NCAM1: variants seen among roughly 807,000 people sequenced by gnomAD.
The protein encoded by NCAM1 is antigen recognized by monoclonal antibody 5.1H11.
A neutral mutation model predicts 109.8 loss-of-function variants in NCAM1; 14 were observed. That is an observed-to-expected ratio of 0.13 (90% confidence interval 0.08 to 0.20). The LOEUF is 0.20. NCAM1 is among the 10% of genes least tolerant of loss of function. NCAM1 has a pLI of 1.00. For synonymous variants in NCAM1, 418 were observed against 442.9 expected (o/e 0.94, Z 0.70); for missense variants, 774 against 1,109.9 (o/e 0.70, Z 4.30).
intron 1 of NCAM1, among the ~76,000 whole-genome samples, chr11:113,051,185 C>G (rs1555081748): frequency 3.9e-5 from 6 of 152,176 alleles, no homozygotes. Flanking sequence ...CCCAGAAAAG[C>G]TGAAGAACTG....
intron 1 of NCAM1, among the ~76,000 whole-genome samples, chr11:112,990,302 A>G (rs1951422412): frequency 6.6e-6 from 1 of 152,058 alleles, no homozygotes; most frequent in Admixed American, 6.5e-5. Context: ...GCCCTGGTCT[A>G]TGGTTGAAGA....
chr11:112,977,600 G>A (rs1189597157), intron 1 of NCAM1, among the ~76,000 whole-genome samples: 4 of 151,906 alleles, frequency 2.6e-5, no homozygotes, highest in East Asian at 1.9e-4. Flanking sequence ...TAATACATTG[G>A]AATCAATAGT....
chr11:113,055,305 A>G lies in NCAM1; in HGVS notation c.52+93641A>G, dbSNP rs374938310. Among the ~76,000 whole-genome samples the G allele has an allele frequency of 7.9e-5, 12 of 152,320 alleles. No homozygotes were observed. In the East Asian group the frequency reaches 1.9e-3, roughly 25 times the overall value. ...CTATAAAATGGATGGAAAATAAATGATTTAAGAAGATTCTAGCTGATCTAC... is the reference window on the plus strand; with the variant it reads ...CTATAAAATGGATGGAAAATAAATGGTTTAAGAAGATTCTAGCTGATCTAC... On this transcript the variant is annotated intron_variant, in intron 1 of 19. Transcript: ENST00000316851.
intron 1 of NCAM1, among the ~76,000 whole-genome samples, chr11:113,131,303 T>A (rs186405387): frequency 6.6e-6 from 1 of 152,306 alleles, no homozygotes; most frequent in East Asian, 1.9e-4. Context: ...CTCTTGATGC[T>A]TTCCACCCTC....
At chr11:112,980,242 A>T (rs1281339605) in intron 1 of NCAM1, among the ~76,000 whole-genome samples, 19 of 151,830 alleles carry the variant, frequency 1.3e-4, no homozygotes, top group African/African-American at 4.6e-4. Flanking sequence ...AACACTGCTG[A>T]TGGGAATGGA....
intron 1 of NCAM1, among the ~76,000 whole-genome samples, chr11:113,143,495 T>C (rs1198071118): frequency 6.6e-6 from 1 of 152,226 alleles, no homozygotes; most frequent in Non-Finnish European, 1.5e-5. Flanking sequence ...GTCCATCAAC[T>C]GTAAATGTAC....
intron 1 of NCAM1, among the ~76,000 whole-genome samples, chr11:113,171,367 C>G (rs1942984191): frequency 6.6e-6 from 1 of 152,148 alleles, no homozygotes; most frequent in Non-Finnish European, 1.5e-5. Flanking sequence ...CATGGTGGCT[C>G]ACACCTGTAA....
intron 1 of NCAM1, among the ~76,000 whole-genome samples, chr11:113,081,212 C>A (rs537697623): frequency 6.6e-6 from 1 of 152,152 alleles, no homozygotes; most frequent in Non-Finnish European, 1.5e-5. Flanking sequence ...CTGCGCTTAC[C>A]TTTGTGCTAC....
chr11:113,236,853 A>G (rs963378342), intron 14 of NCAM1, among the ~76,000 whole-genome samples: 11 of 152,164 alleles, frequency 7.2e-5, no homozygotes, highest in Non-Finnish European at 1.3e-4. Flanking sequence ...GAATAGGAGG[A>G]CTGGCCAGGG....
intron 1 of NCAM1, among the ~76,000 whole-genome samples, chr11:113,136,452 C>T (rs79138724): frequency 0.012 from 1,883 of 152,188 alleles, 34 homozygotes; most frequent in African/African-American, 0.043. Context: ...AGGAGCAAGG[C>T]CCCCCAGTGA....
chr11:113,091,263 A>G (rs2135765226), intron 1 of NCAM1, among the ~76,000 whole-genome samples: 1 of 152,014 alleles, frequency 6.6e-6, no homozygotes, highest in East Asian at 1.9e-4. Context: ...AAATATTTTT[A>G]TCATACCCTG....
At chr11:113,211,498 C>A (rs1305891370) in intron 7 of NCAM1, among the ~76,000 whole-genome samples, 5 of 152,132 alleles carry the variant, frequency 3.3e-5, no homozygotes, top group African/African-American at 1.2e-4. Context: ...TAAGTAGATG[C>A]ATCCTATCAT....
At chr11:113,217,572 G>A (rs2137052700) in intron 8 of NCAM1, among the ~76,000 whole-genome samples, 1 of 152,038 alleles carries the variant, frequency 6.6e-6, no homozygotes, top group East Asian at 1.9e-4. Context: ...TGATCTGGAT[G>A]CCATCATGCA....
chr11:113,124,936 G>A (rs1301053665), intron 1 of NCAM1, among the ~76,000 whole-genome samples: 2 of 152,166 alleles, frequency 1.3e-5, no homozygotes, highest in East Asian at 3.8e-4. Context: ...GTCATTAAAG[G>A]CCTGAATGTA....
intron 1 of NCAM1, among the ~76,000 whole-genome samples, chr11:113,151,324 C>G (rs1942216515): frequency 6.6e-6 from 1 of 152,136 alleles, no homozygotes; most frequent in African/African-American, 2.4e-5. Flanking sequence ...TTTTCAAAAG[C>G]CACAACCCAG....
chr11:113,101,368 G>A (rs1229561732), intron 1 of NCAM1, among the ~76,000 whole-genome samples: 8 of 152,272 alleles, frequency 5.3e-5, no homozygotes, highest in South Asian at 2.1e-4. Context: ...TGTTAGCACC[G>A]CTGAGCGTGT....
At chr11:113,193,108 T>A (rs1943735401) in intron 1 of NCAM1, among the ~76,000 whole-genome samples, 1 of 152,212 alleles carries the variant, frequency 6.6e-6, no homozygotes, top group Admixed American at 6.5e-5. Flanking sequence ...TGGAGCTCTA[T>A]GGAGATACTT....
chr11:113,092,216 A>G (rs892467872), intron 1 of NCAM1, among the ~76,000 whole-genome samples: 1 of 152,196 alleles, frequency 6.6e-6, no homozygotes, highest in Non-Finnish European at 1.5e-5. Context: ...ATTAAACTTC[A>G]TAATGTGCCT....
chr11:113,261,931 G>C (rs1035418809), intron 17 of NCAM1, among the ~76,000 whole-genome samples: 1 of 152,188 alleles, frequency 6.6e-6, no homozygotes, highest in East Asian at 1.9e-4. Flanking sequence ...GTCCTCCAGA[G>C]TTGTGCCTGC....
Sources: allele counts gnomAD v4.1 joint callset (sites outside exome capture counted in the v4.1 genomes callset), GRCh38; gene constraint gnomAD v4.1.1; transcripts MANE v1.5; gene names NCBI Gene and HGNC (gene_info 2026-07-23, HGNC 2026-07-21).